THEMIS: variants seen among roughly 807,000 people sequenced by gnomAD.
THEMIS encodes the protein protein THEMIS.
A neutral mutation model predicts 52.6 loss-of-function variants in THEMIS; 37 were observed. The ratio of observed to expected loss-of-function variants is 0.70; its 90% CI spans 0.54 to 0.93. The LOEUF is 0.93. Among genes scored for constraint, THEMIS ranks in the 40% least tolerant of loss-of-function variants. The pLI is 0.00. For missense variants in THEMIS, 808 were observed against 763.1 expected (o/e 1.06, Z -0.69); for synonymous variants, 292 against 272.7 (o/e 1.07, Z -0.70).
chr6:127,774,243 T>C (rs758676875), intron 4 of THEMIS, among the ~76,000 whole-genome samples: 1 of 152,250 alleles, frequency 6.6e-6, no homozygotes, highest in Non-Finnish European at 1.5e-5. Context: ...TCTCGCTCTG[T>C]CGCCCAGGCT....
intron 1 of THEMIS, among the ~76,000 whole-genome samples, chr6:127,877,316 T>C (rs1780344118): frequency 6.6e-6 from 1 of 152,182 alleles, no homozygotes; most frequent in Admixed American, 6.5e-5. Flanking sequence ...TACATTTAAT[T>C]TCCTTCAAGA....
At chr6:127,831,230 T>A (rs1017081429) in intron 2 of THEMIS, among the ~76,000 whole-genome samples, 7 of 152,198 alleles carry the variant, frequency 4.6e-5, no homozygotes, top group East Asian at 3.8e-4. Context: ...TTTTACTACT[T>A]AAGATACAGA....
rs533840785 is a variant in THEMIS, at chr6:127,805,475, C to T, written c.1758+7408G>A. ...TATGAATTTTTAAAGTATTTATGGG[C>T]CCTCCGGTCTCTTAAATTTAAAGTT... is the stretch of plus-strand genomic sequence containing the variant. On this transcript the variant is annotated intron_variant, in intron 4 of 5. Transcript: ENST00000368248. 1.6e-4 allele frequency among the ~76,000 whole-genome samples: 24 copies of T among 151,980 alleles called. No homozygotes were observed. The South Asian group carries it at 4.6e-3, about 29-fold the overall frequency.
chr6:127,769,776 C>G (rs1347668947), intron 4 of THEMIS, among the ~76,000 whole-genome samples: 1 of 152,114 alleles, frequency 6.6e-6, no homozygotes, highest in East Asian at 1.9e-4. Flanking sequence ...CTACCCCTCC[C>G]CCATCCTCCA....
chr6:127,756,982 AT>A (rs146379452), intron 4 of THEMIS, among the ~76,000 whole-genome samples: 2,655 of 152,308 alleles, frequency 0.017, 99 homozygotes, highest in African/African-American at 0.061. Context: ...AAAATCAAAA[AT>A]ATCTGTACTT....
At chr6:127,901,077 T>G (rs1781122213), upstream of THEMIS, 2 of 670,742 alleles carry the variant, frequency 3.0e-6, no homozygotes, top group Admixed American at 4.8e-5. Context: ...TGGGGTGGAG[T>G]AGCTCTATGT....
At chr6:127,905,618 G>C (rs146065348), upstream of THEMIS, among the ~76,000 whole-genome samples, 3 of 152,084 alleles carry the variant, frequency 2.0e-5, no homozygotes, top group African/African-American at 7.2e-5. Flanking sequence ...ATAATTAATG[G>C]CTTGTGGAGT....
chr6:127,732,315 T>A (rs1774841405), intron 4 of THEMIS, among the ~76,000 whole-genome samples: 1 of 152,112 alleles, frequency 6.6e-6, no homozygotes, highest in Non-Finnish European at 1.5e-5. Flanking sequence ...CATCTGTATT[T>A]TTTTCCTCCT....
chr6:127,850,169 A>C (rs367567275), intron 2 of THEMIS, among the ~76,000 whole-genome samples: 1 of 152,088 alleles, frequency 6.6e-6, no homozygotes. Context: ...GGGAAATGCA[A>C]ATTAAAACCA....
chr6:127,860,671 C>T (rs1779769813), intron 1 of THEMIS, among the ~76,000 whole-genome samples: 1 of 151,520 alleles, frequency 6.6e-6, no homozygotes. Flanking sequence ...GGCCTGAGAG[C>T]CAAAAATAAA....
At chr6:127,862,648 G>C (rs1482499615) in intron 1 of THEMIS, among the ~76,000 whole-genome samples, 1 of 151,412 alleles carries the variant, frequency 6.6e-6, no homozygotes, top group Admixed American at 6.6e-5. Context: ...TTGAACTCCT[G>C]ACTTCAAGTG....
At chr6:127,859,969 T>C (rs1199008624) in intron 1 of THEMIS, among the ~76,000 whole-genome samples, 1 of 152,176 alleles carries the variant, frequency 6.6e-6, no homozygotes, top group Non-Finnish European at 1.5e-5. Context: ...AGCATCCCTC[T>C]AAAGGAAATG....
chr6:127,826,285 T>C (rs534779966), intron 3 of THEMIS, among the ~76,000 whole-genome samples: 1 of 152,254 alleles, frequency 6.6e-6, no homozygotes, highest in East Asian at 1.9e-4. Context: ...CTTTTTGGAC[T>C]TTGATAAACA....
chr6:127,917,427 T>C (rs534804898), intron 1 of THEMIS, among the ~76,000 whole-genome samples: 1 of 152,356 alleles, frequency 6.6e-6, no homozygotes, highest in South Asian at 2.1e-4. Flanking sequence ...GATAGGATGC[T>C]GAAAACAGGA....
chr6:127,777,585 G>A (rs989370786), intron 4 of THEMIS, among the ~76,000 whole-genome samples: 20 of 152,048 alleles, frequency 1.3e-4, no homozygotes, highest in African/African-American at 4.6e-4. Flanking sequence ...TTGGCTATCT[G>A]GGAATAGCAT....
intron 2 of THEMIS, among the ~76,000 whole-genome samples, chr6:127,840,540 C>T (rs1343983267): frequency 6.6e-6 from 1 of 152,092 alleles, no homozygotes; most frequent in African/African-American, 2.4e-5. Context: ...AATTTTCTCC[C>T]ATTTTCTAAT....
At chr6:127,859,954 G>A (rs895200310) in intron 1 of THEMIS, among the ~76,000 whole-genome samples, 4 of 152,126 alleles carry the variant, frequency 2.6e-5, no homozygotes, top group African/African-American at 9.7e-5. Context: ...AAATTATCAA[G>A]AAGGAGCATC....
chr6:127,870,150 G>A (rs1780112788), intron 1 of THEMIS, among the ~76,000 whole-genome samples: 1 of 152,208 alleles, frequency 6.6e-6, no homozygotes, highest in Non-Finnish European at 1.5e-5. Flanking sequence ...CTGAGGTGAT[G>A]TCAGAGGATC....
chr6:127,857,729 G>A (rs976015209), intron 1 of THEMIS, among the ~76,000 whole-genome samples: 1 of 151,964 alleles, frequency 6.6e-6, no homozygotes, highest in African/African-American at 2.4e-5. Flanking sequence ...ATCAGAACCT[G>A]TGTTTTTAAC....
Sources: gnomAD v4.1 joint callset for allele counts (sites outside exome capture counted in the v4.1 genomes callset) on GRCh38, gnomAD v4.1.1 for gene constraint, MANE v1.5 for transcripts, NCBI Gene and HGNC (gene_info 2026-07-23, HGNC 2026-07-21) for gene names.